Variants in KCNB2 observed in about 807,000 individuals in gnomAD.
KCNB2 encodes delayed rectifier potassium channel protein.
In KCNB2, 15 loss-of-function variants were observed where a neutral mutation model predicts 61.5. That is an observed-to-expected ratio of 0.24 (90% confidence interval 0.16 to 0.38). The LOEUF (loss-of-function observed/expected upper bound fraction) is 0.38, where lower values mean the gene tolerates loss of function less well. Among genes scored for constraint, KCNB2 ranks in the 10% least tolerant of loss-of-function variants. The probability of loss-of-function intolerance (pLI) is 1.00; values close to 1 mark genes in which losing one functional copy is unlikely to be tolerated. For missense variants in KCNB2, 828 were observed against 1,125.2 expected, an observed-to-expected ratio of 0.74 and a Z score of 3.78; for synonymous variants, 457 against 446.0, an observed-to-expected ratio of 1.02 and a Z score of -0.31.
At chr8:72,784,839 G>A (rs1341425508) in intron 2 of KCNB2, among the ~76,000 whole-genome samples, 8 of 152,102 alleles carry the variant, frequency 5.3e-5, no homozygotes, top group Non-Finnish European at 1.2e-4. Context: ...GGGACTATTC[G>A]TCTTTATTTT....
rs545792912 is a variant in KCNB2, at chr8:72,785,114, T to TA, written c.580-150816dup. On this transcript the variant is annotated intron_variant, in intron 2 of 2. Transcript: ENST00000523207. ...GGAATGTGGCTTGCTGCTATAATTT[T>TA]AAAAATAATTTGAGTAGATAATTTG... Among the ~76,000 whole-genome samples, 240 of 152,294 alleles carry TA rather than the reference T, an allele frequency of 1.6e-3. 1 individual carries two copies. The highest frequency in any genetic ancestry group is 3.2e-3 in the African/African-American group (134 of 41,562).
At chr8:72,757,390 G>A (rs1352244486) in intron 2 of KCNB2, among the ~76,000 whole-genome samples, 2 of 152,166 alleles carry the variant, frequency 1.3e-5, no homozygotes, top group African/African-American at 4.8e-5. Context: ...GAAAAACATG[G>A]CTGTGAATGG....
intron 2 of KCNB2, among the ~76,000 whole-genome samples, chr8:72,590,355 T>C (rs1052472400): frequency 2.0e-5 from 3 of 150,356 alleles, no homozygotes; most frequent in African/African-American, 7.3e-5. Context: ...CCCTGCTGCC[T>C]TTTTTTTTCT....
At chr8:72,858,172 T>G (rs148097477) in intron 2 of KCNB2, among the ~76,000 whole-genome samples, 1 of 152,214 alleles carries the variant, frequency 6.6e-6, no homozygotes, top group Non-Finnish European at 1.5e-5. Context: ...TTCAGTACTT[T>G]GAACTAGCAG....
intron 2 of KCNB2, among the ~76,000 whole-genome samples, chr8:72,766,917 A>G (rs1808468110): frequency 6.6e-6 from 1 of 152,212 alleles, no homozygotes; most frequent in African/African-American, 2.4e-5. Flanking sequence ...ATGACTAGGG[A>G]GGCCTCAGAA....
At chr8:72,585,165 T>A (rs575197244) in intron 2 of KCNB2, among the ~76,000 whole-genome samples, 3 of 150,222 alleles carry the variant, frequency 2.0e-5, no homozygotes, top group Non-Finnish European at 4.4e-5. Flanking sequence ...AAATAAGGGG[T>A]TTTTTTTTGT....
intron 2 of KCNB2, among the ~76,000 whole-genome samples, chr8:72,928,206 T>G (rs1416817904): frequency 6.6e-6 from 1 of 151,170 alleles, no homozygotes; most frequent in East Asian, 1.9e-4. Context: ...TTTTTTTTTT[T>G]TTTTGAGACA....
chr8:72,797,466 C>G (rs538961380), intron 2 of KCNB2, among the ~76,000 whole-genome samples: 6 of 152,302 alleles, frequency 3.9e-5, no homozygotes, highest in African/African-American at 1.4e-4. Context: ...GGGGGCTGCT[C>G]TCCCCACCCT....
At chr8:72,602,966 G>T (rs1296335256) in intron 2 of KCNB2, among the ~76,000 whole-genome samples, 1 of 147,556 alleles carries the variant, frequency 6.8e-6, no homozygotes, top group African/African-American at 2.5e-5. Flanking sequence ...AAAAAAAAAA[G>T]GCGGCATGCC....
intron 2 of KCNB2, among the ~76,000 whole-genome samples, chr8:72,926,743 G>A (rs1274592196): frequency 6.6e-6 from 1 of 152,128 alleles, no homozygotes; most frequent in Non-Finnish European, 1.5e-5. Context: ...TATCTCCATA[G>A]CAAGCAGGGT....
intron 2 of KCNB2, among the ~76,000 whole-genome samples, chr8:72,886,654 C>T (rs1341773597): frequency 1.3e-5 from 2 of 152,182 alleles, no homozygotes; most frequent in African/African-American, 4.8e-5. Flanking sequence ...CAGCTTATCC[C>T]CACAAAGCCT....
intron 2 of KCNB2, among the ~76,000 whole-genome samples, chr8:72,582,564 G>A (rs2128980560): frequency 6.6e-6 from 1 of 152,272 alleles, no homozygotes; most frequent in South Asian, 2.1e-4. Context: ...CCAAGATAAT[G>A]TCTTTTTGTG....
At chr8:72,558,684 G>T (rs1806465074) in intron 1 of KCNB2, among the ~76,000 whole-genome samples, 2 of 152,150 alleles carry the variant, frequency 1.3e-5, no homozygotes, top group African/African-American at 2.4e-5. Flanking sequence ...GCACAATGAT[G>T]AATAAGATCA....
intron 2 of KCNB2, among the ~76,000 whole-genome samples, chr8:72,670,708 A>G (rs1416460310): frequency 6.6e-6 from 1 of 152,198 alleles, no homozygotes; most frequent in Non-Finnish European, 1.5e-5. Context: ...GACATAAACA[A>G]TATAAATCCA....
intron 2 of KCNB2, among the ~76,000 whole-genome samples, chr8:72,667,698 A>G (rs1483986334): frequency 3.3e-5 from 5 of 151,902 alleles, no homozygotes; most frequent in African/African-American, 9.7e-5. Flanking sequence ...AATCACCATC[A>G]TCTCCTGCGT....
chr8:72,873,010 A>C (rs1431288955), intron 2 of KCNB2, among the ~76,000 whole-genome samples: 1 of 152,168 alleles, frequency 6.6e-6, no homozygotes, highest in African/African-American at 2.4e-5. Context: ...TTTATTGATG[A>C]GGTGAATCAC....
chr8:72,697,676 T>C (rs1336055115), intron 2 of KCNB2, among the ~76,000 whole-genome samples: 2 of 151,918 alleles, frequency 1.3e-5, no homozygotes, highest in Non-Finnish European at 2.9e-5. Flanking sequence ...AAAAGAAAAA[T>C]AAATAGGGTC....
At chr8:72,833,314 G>T (rs1809728676) in intron 2 of KCNB2, among the ~76,000 whole-genome samples, 2 of 152,116 alleles carry the variant, frequency 1.3e-5, no homozygotes, top group African/African-American at 4.8e-5. Flanking sequence ...TTCAAGGCTG[G>T]GAGTAGGGAA....
chr8:72,648,800 A>G (rs1806169885), intron 2 of KCNB2, among the ~76,000 whole-genome samples: 1 of 152,144 alleles, frequency 6.6e-6, no homozygotes, highest in East Asian at 1.9e-4. Context: ...CAGAAATGAC[A>G]TCTTGTCTAA....
Sources: gnomAD v4.1 joint callset for allele counts (sites outside exome capture counted in the v4.1 genomes callset) on GRCh38, gnomAD v4.1.1 for gene constraint, MANE v1.5 for transcripts, NCBI Gene and HGNC (gene_info 2026-07-23, HGNC 2026-07-21) for gene names.